Variants in CTNNA2 observed in about 807,000 individuals in gnomAD.
CTNNA2 encodes catenin alpha 2, also known as catenin alpha-2.
Under a neutral mutation model 101.0 loss-of-function variants are expected in CTNNA2, and 42 were observed. The observed-to-expected ratio is 0.42, with a 90% CI of 0.32 to 0.54. CTNNA2 has a LOEUF of 0.54. CTNNA2 is among the 20% of genes least tolerant of loss of function. The probability of loss-of-function intolerance (pLI) is 0.14; values close to 1 mark genes in which losing one functional copy is unlikely to be tolerated. For missense variants in CTNNA2, 871 were observed against 1,223.1 expected, an observed-to-expected ratio of 0.71 and a Z score of 4.29; for synonymous variants, 450 against 456.4, an observed-to-expected ratio of 0.99 and a Z score of 0.18.
intron 6 of CTNNA2, among the ~76,000 whole-genome samples, chr2:79,879,986 A>G (rs780766593): frequency 6.6e-6 from 1 of 152,158 alleles, no homozygotes; most frequent in Non-Finnish European, 1.5e-5. Flanking sequence ...ATTTTGAGGT[A>G]TGTTCCATCA....
At chr2:80,502,116 T>G (rs1197655432) in intron 9 of CTNNA2, among the ~76,000 whole-genome samples, 1 of 152,118 alleles carries the variant, frequency 6.6e-6, no homozygotes, top group African/African-American at 2.4e-5. Context: ...TGGCCTAGAG[T>G]AAATAGCACC....
At chr2:79,806,120 A>G (rs1676553247) in intron 3 of CTNNA2, among the ~76,000 whole-genome samples, 1 of 152,060 alleles carries the variant, frequency 6.6e-6, no homozygotes, top group Non-Finnish European at 1.5e-5. Flanking sequence ...CCTCACTACT[A>G]CTATAGATTC....
intron 3 of CTNNA2, among the ~76,000 whole-genome samples, chr2:79,814,873 C>A (rs1677357272): frequency 6.6e-6 from 1 of 152,100 alleles, no homozygotes; most frequent in African/African-American, 2.4e-5. Flanking sequence ...AGTGACTGTA[C>A]TAGTTTACAT....
intron 18 of CTNNA2, among the ~76,000 whole-genome samples, chr2:80,644,406 T>A (rs1322226988): frequency 6.6e-6 from 1 of 152,150 alleles, no homozygotes; most frequent in African/African-American, 2.4e-5. Flanking sequence ...CAAAAGAGAA[T>A]GCAACTATGT....
At chr2:79,711,160 T>C (rs968669082) in intron 2 of CTNNA2, among the ~76,000 whole-genome samples, 1 of 151,686 alleles carries the variant, frequency 6.6e-6, no homozygotes, top group Non-Finnish European at 1.5e-5. Flanking sequence ...GTTTTAACTT[T>C]GTTTGAAATG....
rs190431197 is a variant in CTNNA2 at position 79,537,299 on chromosome 2, T to C, written c.-6+24092T>C. On this transcript the variant is annotated intron_variant, in intron 1 of 18. Transcript: ENST00000402739. Reference sequence around the variant, plus strand: ...CAGCCTGTAAGCAAATGTTTCCCCCTAGATTTCTGCTACTCTGGGATTTTA... The same window carrying C: ...CAGCCTGTAAGCAAATGTTTCCCCCCAGATTTCTGCTACTCTGGGATTTTA... Among the ~76,000 whole-genome samples, 24 of 152,282 alleles carry C rather than the reference T, an allele frequency of 1.6e-4. 1 individual carries two copies. The East Asian group carries it at 4.2e-3, about 27-fold the overall frequency.
chr2:79,882,018 C>T (rs1181835228), intron 6 of CTNNA2, among the ~76,000 whole-genome samples: 1 of 151,706 alleles, frequency 6.6e-6, no homozygotes, highest in Admixed American at 6.6e-5. Context: ...CAAAATCTCT[C>T]AGCATTTGCT....
intron 3 of CTNNA2, among the ~76,000 whole-genome samples, chr2:79,370,835 C>T (rs984293930): frequency 5.9e-5 from 9 of 152,272 alleles, no homozygotes; most frequent in Middle Eastern, 3.4e-3. Flanking sequence ...ATGTAGTCCT[C>T]GCCTTTTTCT....
chr2:80,369,305 TA>T lies in CTNNA2; in HGVS notation c.1057-23904del, dbSNP rs753382950. On this transcript the variant is annotated intron_variant, in intron 7 of 18. Transcript: ENST00000402739. The stretch of plus-strand genomic sequence containing the variant: ...AACGTTTAGAAAGGACACTTAAAAA[TA>T]AGGCAGGGACTTCTTAAAGGGATAA... Among the ~76,000 whole-genome samples the T allele has an allele frequency of 1.0e-3, 156 of 152,234 alleles. 2 individuals are homozygous for T. The highest frequency in any genetic ancestry group is 1.6e-3 in the Non-Finnish European group (108 of 68,004).
chr2:79,519,297 C>T (rs868476724), intron 1 of CTNNA2, among the ~76,000 whole-genome samples: 2 of 150,784 alleles, frequency 1.3e-5, no homozygotes, highest in Non-Finnish European at 2.9e-5. Flanking sequence ...CTCTACTGCA[C>T]TTATGCCTTT....
At chr2:79,697,060 GT>G (rs1458590655) in intron 2 of CTNNA2, among the ~76,000 whole-genome samples, 1 of 151,884 alleles carries the variant, frequency 6.6e-6, no homozygotes, top group East Asian at 1.9e-4. Flanking sequence ...AAGATAACTG[GT>G]TTTCTCAGGG....
At chr2:80,355,933 CT>C (rs564774712) in intron 7 of CTNNA2, among the ~76,000 whole-genome samples, 1 of 151,704 alleles carries the variant, frequency 6.6e-6, no homozygotes, top group Admixed American at 6.6e-5. Flanking sequence ...TCACATTGTT[CT>C]TTTTTTTCTC....
At chr2:79,877,310 T>C (rs1683101711) in intron 6 of CTNNA2, among the ~76,000 whole-genome samples, 2 of 152,172 alleles carry the variant, frequency 1.3e-5, no homozygotes, top group Non-Finnish European at 2.9e-5. Flanking sequence ...ACAAATGCAA[T>C]TTAATTTCAG....
In CTNNA2 at chr2:79,274,388, T is replaced by C. The variant is rs560938678; in HGVS notation, c.-405-38321T>C. Among the ~76,000 whole-genome samples, 13 of 152,182 alleles carry C rather than the reference T, an allele frequency of 8.5e-5. No homozygotes were observed. The South Asian group carries it at 2.3e-3, about 27-fold the overall frequency. On this transcript the variant is annotated intron_variant, in intron 2 of 21. Transcript: ENST00000466387. ...TTTACCCACTATCTTATATTTTGTC[T>C]CTAAAAATTGTTTTAAAACAAAATA...
chr2:80,328,883 T>C (rs1671065816), intron 7 of CTNNA2, among the ~76,000 whole-genome samples: 1 of 152,208 alleles, frequency 6.6e-6, no homozygotes, highest in South Asian at 2.1e-4. Flanking sequence ...ATATAAGTCA[T>C]TTTCGCTACT....
chr2:79,959,971 T>C (rs1023235392), intron 7 of CTNNA2, among the ~76,000 whole-genome samples: 11 of 152,238 alleles, frequency 7.2e-5, no homozygotes, highest in Admixed American at 2.0e-4. Context: ...GGCTACATGA[T>C]GCTAATTCAT....
chr2:79,991,142 G>T (rs1692147174), intron 7 of CTNNA2, among the ~76,000 whole-genome samples: 1 of 152,034 alleles, frequency 6.6e-6, no homozygotes, highest in African/African-American at 2.4e-5. Flanking sequence ...ATTTTTTATT[G>T]TGTCTATTTG....
chr2:80,469,282 C>T (rs553591563), intron 9 of CTNNA2, among the ~76,000 whole-genome samples: 1 of 152,312 alleles, frequency 6.6e-6, no homozygotes, highest in South Asian at 2.1e-4. Context: ...CATTATATGC[C>T]TGAACAGCCA....
At chr2:79,628,960 A>G (rs577982433) in intron 1 of CTNNA2, among the ~76,000 whole-genome samples, 1 of 152,212 alleles carries the variant, frequency 6.6e-6, no homozygotes, top group Admixed American at 6.5e-5. Context: ...ATATAAATTG[A>G]TGTAAGCTGA....
Sources: allele counts gnomAD v4.1 joint callset (sites outside exome capture counted in the v4.1 genomes callset), GRCh38; gene constraint gnomAD v4.1.1; transcripts MANE v1.5; gene names NCBI Gene and HGNC (gene_info 2026-07-23, HGNC 2026-07-21).